ARHGAP25: variants seen among roughly 807,000 people sequenced by gnomAD.
The protein encoded by ARHGAP25 is rho GTPase-activating protein 25.
A neutral mutation model predicts 71.0 loss-of-function variants in ARHGAP25; 34 were observed. The observed-to-expected ratio is 0.48, with a 90% CI of 0.36 to 0.64. The LOEUF (loss-of-function observed/expected upper bound fraction) is 0.64, where lower values mean the gene tolerates loss of function less well. Ranked by LOEUF, ARHGAP25 falls within the 30% of genes least tolerant of loss-of-function variation. The pLI is 0.00. For synonymous variants in ARHGAP25, 282 were observed against 296.5 expected (o/e 0.95, Z 0.50); for missense variants, 706 against 805.1 (o/e 0.88, Z 1.49).
intron 2 of ARHGAP25, among the ~76,000 whole-genome samples, chr2:68,714,031 TA>T (rs1674551457): frequency 6.6e-6 from 1 of 152,214 alleles, no homozygotes; most frequent in Non-Finnish European, 1.5e-5. Context: ...CCTCTTTTTG[TA>T]TTGTTTGAAA....
At chr2:68,779,089 G>A (rs775382595) in intron 2 of ARHGAP25, among the ~76,000 whole-genome samples, 4 of 152,190 alleles carry the variant, frequency 2.6e-5, no homozygotes, top group Non-Finnish European at 5.9e-5. Context: ...GGGTAGACCC[G>A]TGGTCCCATT....
At chr2:68,780,344 C>A (rs1360957933) in intron 2 of ARHGAP25, among the ~76,000 whole-genome samples, 3 of 152,152 alleles carry the variant, frequency 2.0e-5, no homozygotes, top group Non-Finnish European at 4.4e-5. Context: ...TTGCCCTTTC[C>A]TTCTCTCCTT....
chr2:68,760,015 A>C (rs1337416932), intron 1 of ARHGAP25, among the ~76,000 whole-genome samples: 2 of 152,074 alleles, frequency 1.3e-5, no homozygotes, highest in Non-Finnish European at 2.9e-5. Context: ...TATTCTTGAA[A>C]TGCAAGGGTG....
In ARHGAP25 at chr2:68,717,369, A is replaced by C. The variant is rs1331797260; in HGVS notation, c.-18+6671A>C. On this transcript the variant is annotated intron_variant and NMD_transcript_variant, in intron 2 of 7. Transcript: ENST00000463483. ...ATCAGGGACCTCTATGTTAAAAGGC[A>C]CAGTATGGGAGAAGCATTGTGATCT... Among the ~76,000 whole-genome samples the C allele has an allele frequency of 2.0e-5, 3 of 152,288 alleles. No homozygotes were observed. In the East Asian group the frequency reaches 5.8e-4, roughly 29 times the overall value.
chr2:68,728,096 G>C (rs1674926380), intron 2 of ARHGAP25, among the ~76,000 whole-genome samples: 1 of 152,208 alleles, frequency 6.6e-6, no homozygotes, highest in Admixed American at 6.5e-5. Context: ...AAAGTTGAAG[G>C]CTTGAGTTTT....
intron 9 of ARHGAP25, among the ~76,000 whole-genome samples, chr2:68,820,205 T>C (rs1048592252): frequency 2.0e-5 from 3 of 152,370 alleles, no homozygotes; most frequent in Non-Finnish European, 4.4e-5. Context: ...CCCACAGTCC[T>C]TGAGAATAGC....
At chr2:68,784,045 C>G (rs999906863) in intron 3 of ARHGAP25, among the ~76,000 whole-genome samples, 1 of 152,166 alleles carries the variant, frequency 6.6e-6, no homozygotes, top group African/African-American at 2.4e-5. Flanking sequence ...TACTCTTCAA[C>G]ATTGCTATAC....
chr2:68,731,169 C>T (rs1004215251), upstream of ARHGAP25, among the ~76,000 whole-genome samples: 7 of 152,128 alleles, frequency 4.6e-5, no homozygotes, highest in Admixed American at 6.5e-5. Flanking sequence ...AGAAGATCTG[C>T]ACTCAAGTGC....
chr2:68,816,523 T>G (rs1044241260), intron 7 of ARHGAP25, 161 bp downstream of exon 7: 4 of 640,378 alleles, frequency 6.2e-6, no homozygotes, highest in Non-Finnish European at 1.1e-5. Context: ...CCTGTATAAT[T>G]TCAAGGATTC....
chr2:68,737,488 C>G (rs1030828043), intron 1 of ARHGAP25, among the ~76,000 whole-genome samples: 9 of 152,116 alleles, frequency 5.9e-5, no homozygotes, highest in Non-Finnish European at 8.8e-5. Context: ...CCTCTACCTT[C>G]TAGGTGATGG....
rs146510764 is a variant in ARHGAP25 at position 68,813,069 on chromosome 2, G to GT, written c.675-217dup. Among the ~76,000 whole-genome samples the GT allele has an allele frequency of 2.6e-4, 39 of 152,314 alleles. No individual in the cohort carries two copies. The East Asian group carries it at 7.3e-3, about 29-fold the overall frequency. On this transcript the variant is annotated intron_variant, in intron 5 of 10. Transcript: ENST00000409202. ...TTGAACTTACCTTTGAGGTAGTTGG[G>GT]TGGAAGAGACAGAGGAACATTTATT...
At chr2:68,769,715 A>T (rs1412310597) in intron 1 of ARHGAP25, among the ~76,000 whole-genome samples, 1 of 152,036 alleles carries the variant, frequency 6.6e-6, no homozygotes, top group Non-Finnish European at 1.5e-5. Flanking sequence ...CAGGGCCAGG[A>T]AGGCTTCTCA....
intron 1 of ARHGAP25, among the ~76,000 whole-genome samples, chr2:68,748,835 A>C (rs920843915): frequency 6.6e-6 from 1 of 152,188 alleles, no homozygotes; most frequent in African/African-American, 2.4e-5. Context: ...ACAGAGCTAC[A>C]AGGGGTATGT....
chr2:68,818,064 T>C lies in ARHGAP25; in HGVS notation c.1003+70T>C, dbSNP rs1681360968. ...ATTACAACATTCCCCCTGATATTTG[T>C]GCACTGCTCTGTAGTTTCCCAAGCA... On this transcript the variant is annotated intron_variant, in intron 8 of 10. Coordinates refer to ENST00000409202, the MANE Select transcript of ARHGAP25 (RefSeq NM_001007231.3). The C allele has an allele frequency of 2.2e-5, 35 of 1,579,646 alleles. 2 individuals are homozygous for C. The Admixed American group carries it at 4.5e-4, about 20-fold the overall frequency.
chr2:68,728,074 A>C (rs2104265474), intron 2 of ARHGAP25, among the ~76,000 whole-genome samples: 1 of 152,348 alleles, frequency 6.6e-6, no homozygotes, highest in East Asian at 1.9e-4. Context: ...CAAAAGTAGG[A>C]AAGTTTCAGT....
intron 1 of ARHGAP25, among the ~76,000 whole-genome samples, chr2:68,745,243 A>T (rs183057955): frequency 6.6e-6 from 1 of 152,308 alleles, no homozygotes; most frequent in African/African-American, 2.4e-5. Context: ...CAACCAGCTC[A>T]GCCACTCATA....
intron 2 of ARHGAP25, among the ~76,000 whole-genome samples, chr2:68,725,888 C>T (rs960369259): frequency 2.0e-5 from 3 of 152,126 alleles, no homozygotes; most frequent in African/African-American, 7.2e-5. Context: ...GAAGGTTCTC[C>T]CACATAGGTT....
upstream of ARHGAP25, among the ~76,000 whole-genome samples, chr2:68,730,486 C>T (rs150036817): frequency 6.6e-6 from 1 of 151,926 alleles, no homozygotes; most frequent in East Asian, 1.9e-4. Context: ...CTCTACAGAA[C>T]GAGTTTTTAA....
At chr2:68,715,471 T>G (rs373580696) in intron 2 of ARHGAP25, among the ~76,000 whole-genome samples, 1 of 152,208 alleles carries the variant, frequency 6.6e-6, no homozygotes, top group Non-Finnish European at 1.5e-5. Context: ...CACGTGACCC[T>G]GCTCTGGCTA....
Sources: gnomAD v4.1 joint callset for allele counts (sites outside exome capture counted in the v4.1 genomes callset) on GRCh38, gnomAD v4.1.1 for gene constraint, MANE v1.5 for transcripts, NCBI Gene and HGNC (gene_info 2026-07-23, HGNC 2026-07-21) for gene names.